The following MINDY3 variants were observed in gnomAD, a reference collection of about 807,000 sequenced individuals.
The protein encoded by MINDY3 is MINDY lysine 48 deubiquitinase 3.
MINDY3 carries 38 observed loss-of-function variants against 69.2 expected under a neutral mutation model. That is an observed-to-expected ratio of 0.55 (90% CI 0.42 to 0.72). The LOEUF is 0.72. Ranked by LOEUF, MINDY3 falls within the 30% of genes least tolerant of loss-of-function variation. MINDY3 has a pLI of 0.00. For missense variants in MINDY3, 522 were observed against 519.0 expected, an observed-to-expected ratio of 1.01 and a Z score of -0.06; for synonymous variants, 192 against 180.1, an observed-to-expected ratio of 1.07 and a Z score of -0.53.
intron 8 of MINDY3, among the ~76,000 whole-genome samples, chr10:15,824,096 G>A (rs981174907): frequency 2.6e-5 from 4 of 152,180 alleles, no homozygotes; most frequent in African/African-American, 7.2e-5. Context: ...TAGCATGCAC[G>A]TGCAGGTATC....
intron 10 of MINDY3, among the ~76,000 whole-genome samples, chr10:15,814,797 G>C (rs1839242812): frequency 6.6e-6 from 1 of 152,024 alleles, no homozygotes. Flanking sequence ...AAAAGTATCA[G>C]GACAGGTAGG....
intron 13 of MINDY3, 103 bp from the exon 14 acceptor site, chr10:15,782,329 G>C: frequency 1.3e-6 from 1 of 765,042 alleles, no homozygotes; most frequent in Non-Finnish European, 2.0e-6. Context: ...CTTATCCTTT[G>C]ACTGGGGACT....
chr10:15,818,670 C>T (rs1839541982), intron 9 of MINDY3, among the ~76,000 whole-genome samples: 1 of 152,070 alleles, frequency 6.6e-6, no homozygotes, highest in Non-Finnish European at 1.5e-5. Flanking sequence ...GAATGAAATA[C>T]TAACACATGT....
At chr10:15,834,423 C>G in intron 7 of MINDY3, 120 bp downstream of exon 7, 1 of 609,796 alleles carries the variant, frequency 1.6e-6, no homozygotes, top group Non-Finnish European at 2.9e-6. Flanking sequence ...CAAATCCATA[C>G]ATGTTGTACT....
At chr10:15,820,448 T>C (rs1839681647) in intron 9 of MINDY3, among the ~76,000 whole-genome samples, 1 of 152,172 alleles carries the variant, frequency 6.6e-6, no homozygotes, top group African/African-American at 2.4e-5. Flanking sequence ...ACATCCCACT[T>C]GCCCCACCCC....
At chr10:15,833,745 T>A (rs749082044) in intron 7 of MINDY3, 36 bp from the exon 8 acceptor site, 1 of 1,304,802 alleles carries the variant, frequency 7.7e-7, no homozygotes, top group South Asian at 1.2e-5. Context: ...TAAATATGAA[T>A]ATAGTTGCCA....
At chr10:15,793,910 A>G (rs1363458364) in intron 11 of MINDY3, among the ~76,000 whole-genome samples, 3 of 152,086 alleles carry the variant, frequency 2.0e-5, no homozygotes, top group African/African-American at 7.2e-5. Flanking sequence ...ATCAGTACTA[A>G]ATCACTTGTT....
intron 13 of MINDY3, among the ~76,000 whole-genome samples, chr10:15,782,987 G>GA (rs1836663429): frequency 6.6e-6 from 1 of 152,168 alleles, no homozygotes; most frequent in South Asian, 2.1e-4. Context: ...CCCTGGCTGA[G>GA]TCTGCCTGGA....
rs148540122 is a variant in MINDY3, at chr10:15,851,079, C to G, written c.95-3136G>C. On this transcript the variant is annotated intron_variant, in intron 1 of 14. Coordinates refer to ENST00000277632, the MANE Select transcript of MINDY3 (RefSeq NM_024948.4). ...TATCTTATTTAACCTTCCAAAGAATCAATCTGAAATGCTGACCACAAACCT... is the reference window on the plus strand; with the variant it reads ...TATCTTATTTAACCTTCCAAAGAATGAATCTGAAATGCTGACCACAAACCT... 3.9e-5 allele frequency among the ~76,000 whole-genome samples: 6 copies of G among 152,314 alleles called. No individual in the cohort carries two copies. In the East Asian group the frequency reaches 1.2e-3, roughly 29 times the overall value.
At chr10:15,840,078 T>A (rs1289622911) in intron 4 of MINDY3, among the ~76,000 whole-genome samples, 1 of 151,720 alleles carries the variant, frequency 6.6e-6, no homozygotes, top group Non-Finnish European at 1.5e-5. Flanking sequence ...TACTATTTTC[T>A]CACATCAATA....
At chr10:15,810,740 G>T (rs1407445169) in intron 10 of MINDY3, among the ~76,000 whole-genome samples, 2 of 152,010 alleles carry the variant, frequency 1.3e-5, no homozygotes, top group African/African-American at 4.8e-5. Context: ...CAAAAATCCT[G>T]CCATCACAGA....
At chr10:15,809,431 G>T (rs750882369) in intron 10 of MINDY3, among the ~76,000 whole-genome samples, 20 of 152,044 alleles carry the variant, frequency 1.3e-4, no homozygotes, top group Non-Finnish European at 2.9e-4. Flanking sequence ...CAGTAGGTTC[G>T]CATGTTTTCA....
intron 14 of MINDY3, among the ~76,000 whole-genome samples, chr10:15,780,580 G>A (rs1386278271): frequency 1.3e-5 from 2 of 152,134 alleles, no homozygotes; most frequent in South Asian, 2.1e-4. Flanking sequence ...GATGCCTGGC[G>A]GCTCAGACTC....
chr10:15,837,994 T>A (rs1005389374), intron 5 of MINDY3: 1 of 975,836 alleles, frequency 1.0e-6, no homozygotes, highest in Non-Finnish European at 1.2e-6. Flanking sequence ...ATGAAAAAGC[T>A]TTTTAATGTT....
intron 1 of MINDY3, among the ~76,000 whole-genome samples, chr10:15,858,734 C>G (rs1006245225): frequency 5.3e-5 from 8 of 152,286 alleles, no homozygotes; most frequent in African/African-American, 1.9e-4. Flanking sequence ...TAAATATAAA[C>G]AGGGCTGAAT....
chr10:15,860,091 G>C (rs776335734), intron 1 of MINDY3, 115 bp downstream of exon 1: 4 of 763,750 alleles, frequency 5.2e-6, no homozygotes, highest in Admixed American at 2.3e-5. Context: ...CGCTGAGCAC[G>C]GCGACTGGGG....
chr10:15,860,234 C>T lies in MINDY3; in HGVS notation c.66G>A (p.Ser22=). 6.2e-7 allele frequency: 1 copy of T among 1,610,382 alleles called. No individual in the cohort carries two copies. Among genetic ancestry groups the T allele is most frequent in the Non-Finnish European group, 8.5e-7 (1 of 1,178,436 alleles). Residue 22 remains serine (S), a synonymous_variant, in exon 1 of 15, where the codon TCG becomes TCA. Coordinates refer to ENST00000277632, the MANE Select transcript of MINDY3 (RefSeq NM_024948.4). ...GCGTCCAGCGGCAGAAAATGGTGTCCGAGAGACCGGGGCTGCTCTTGGTGC... is the reference window on the plus strand; with the variant it reads ...GCGTCCAGCGGCAGAAAATGGTGTCTGAGAGACCGGGGCTGCTCTTGGTGC... ...VWGTKSSPGL[S]DTIFCRWTQG...
chr10:15,844,237 T>C (rs922677121), intron 2 of MINDY3, among the ~76,000 whole-genome samples: 1 of 152,170 alleles, frequency 6.6e-6, no homozygotes, highest in Admixed American at 6.5e-5. Context: ...TCCATTTACA[T>C]AGGCATAAAG....
At chr10:15,843,130 T>C (rs1194043618) in intron 3 of MINDY3, 82 bp downstream of exon 3, 10 of 1,146,072 alleles carry the variant, frequency 8.7e-6, no homozygotes, top group East Asian at 4.7e-5. Flanking sequence ...TTCCCACTGA[T>C]ACTTGACTTT....
Sources: gnomAD v4.1 joint callset for allele counts (sites outside exome capture counted in the v4.1 genomes callset) on GRCh38, gnomAD v4.1.1 for gene constraint, MANE v1.5 for transcripts, NCBI Gene and HGNC (gene_info 2026-07-23, HGNC 2026-07-21) for gene names.